The following WDR70 variants were observed in gnomAD, a reference collection of about 807,000 sequenced individuals.
The protein encoded by WDR70 is WD repeat-containing protein 70.
WDR70 carries 53 observed loss-of-function variants against 88.6 expected under a neutral mutation model. The observed-to-expected ratio is 0.60, with a 90% CI of 0.48 to 0.75. The LOEUF (loss-of-function observed/expected upper bound fraction) is 0.75. WDR70 is among the 30% of genes least tolerant of loss of function. WDR70 has a pLI of 0.00. For missense variants in WDR70, 610 were observed against 823.2 expected (o/e 0.74, Z 3.17); for synonymous variants, 280 against 270.0 (o/e 1.04, Z -0.36).
chr5:37,625,688 C>A (rs1744643253), intron 10 of WDR70, among the ~76,000 whole-genome samples: 1 of 151,900 alleles, frequency 6.6e-6, no homozygotes. Flanking sequence ...CCATGCCTAG[C>A]TAATTTTTTT....
intron 5 of WDR70, among the ~76,000 whole-genome samples, chr5:37,425,190 T>TGA (rs1252571652): frequency 6.6e-6 from 1 of 152,296 alleles, no homozygotes; most frequent in African/African-American, 2.4e-5. Context: ...GAGACTGCAG[T>TGA]GAGTGAGCCA....
chr5:37,479,804 C>G (rs1446957990), intron 7 of WDR70, 30 bp from the exon 8 acceptor site: 1 of 1,594,740 alleles, frequency 6.3e-7, no homozygotes, highest in Non-Finnish European at 8.5e-7. Flanking sequence ...TGCTTAGTAT[C>G]TTACCAACTT....
At chr5:37,485,710 G>A (rs866340945) in intron 8 of WDR70, among the ~76,000 whole-genome samples, 23 of 151,450 alleles carry the variant, frequency 1.5e-4, no homozygotes, top group South Asian at 1.0e-3. Flanking sequence ...TATTATTTTT[G>A]AGATAGAATC....
At chr5:37,722,114 T>C in intron 14 of WDR70, 1 of 152,198 alleles carries the variant, frequency 6.6e-6, no homozygotes, top group East Asian at 1.9e-4. Context: ...AGTATATTTA[T>C]GGTATTTGAA....
intron 7 of WDR70, among the ~76,000 whole-genome samples, chr5:37,466,037 C>T (rs899241352): frequency 1.6e-4 from 24 of 151,980 alleles, no homozygotes; most frequent in African/African-American, 5.8e-4. Context: ...TTGTATCGTA[C>T]TTTACCATGC....
At chr5:37,710,244 C>A (rs959501787) in intron 13 of WDR70, among the ~76,000 whole-genome samples, 1 of 151,950 alleles carries the variant, frequency 6.6e-6, no homozygotes, top group Non-Finnish European at 1.5e-5. Context: ...AGAAAGCATA[C>A]GGTTCTGTGG....
chr5:37,461,448 C>G (rs1308464961), intron 7 of WDR70, among the ~76,000 whole-genome samples: 2 of 151,972 alleles, frequency 1.3e-5, no homozygotes, highest in Admixed American at 1.3e-4. Context: ...TGGGGAGTCT[C>G]TCCTCTATGT....
At chr5:37,500,198 C>T (rs1268118860) in intron 8 of WDR70, among the ~76,000 whole-genome samples, 1 of 152,198 alleles carries the variant, frequency 6.6e-6, no homozygotes, top group East Asian at 1.9e-4. Flanking sequence ...ATTTAGTTTT[C>T]CATTCCTGAG....
At chr5:37,642,061 T>A (rs1230637548) in intron 10 of WDR70, among the ~76,000 whole-genome samples, 1 of 152,208 alleles carries the variant, frequency 6.6e-6, no homozygotes, top group African/African-American at 2.4e-5. Flanking sequence ...TGGTACCTGT[T>A]TACTTAGAGT....
chr5:37,454,576 T>C (rs1336310982), intron 7 of WDR70, among the ~76,000 whole-genome samples: 2 of 152,176 alleles, frequency 1.3e-5, no homozygotes, highest in Non-Finnish European at 2.9e-5. Context: ...AATTTAAAAA[T>C]TTCTGTTACT....
chr5:37,573,268 T>G (rs1052233626), intron 9 of WDR70, among the ~76,000 whole-genome samples: 2 of 152,148 alleles, frequency 1.3e-5, no homozygotes, highest in African/African-American at 2.4e-5. Flanking sequence ...ATCATCATTC[T>G]TCTTTACTGG....
At chr5:37,471,704 T>G (rs943983037) in intron 7 of WDR70, among the ~76,000 whole-genome samples, 1 of 152,008 alleles carries the variant, frequency 6.6e-6, no homozygotes, top group African/African-American at 2.4e-5. Flanking sequence ...GTTGTCAATT[T>G]TATCTTCCAG....
chr5:37,721,484 G>C, intron 14 of WDR70: 1 of 478,184 alleles, frequency 2.1e-6, no homozygotes, highest in Non-Finnish European at 3.8e-6. Flanking sequence ...GGGGAAAAAC[G>C]TTCTGCCCAC....
chr5:37,539,439 A>C (rs1741753381), intron 9 of WDR70, among the ~76,000 whole-genome samples: 1 of 152,230 alleles, frequency 6.6e-6, no homozygotes, highest in Non-Finnish European at 1.5e-5. Flanking sequence ...GTGAGGACAT[A>C]GTGAGAAAGT....
chr5:37,464,679 A>T (rs1469197959), intron 7 of WDR70, among the ~76,000 whole-genome samples: 1 of 152,158 alleles, frequency 6.6e-6, no homozygotes, highest in African/African-American at 2.4e-5. Context: ...CTGTGGTAGA[A>T]ATCTGTCTCA....
At chr5:37,490,804 A>G (rs886976655) in intron 8 of WDR70, among the ~76,000 whole-genome samples, 1 of 151,988 alleles carries the variant, frequency 6.6e-6, no homozygotes, top group Non-Finnish European at 1.5e-5. Context: ...TCCTTTCTTC[A>G]GTGTACTGGA....
chr5:37,638,587 T>C (rs955025423), intron 10 of WDR70, among the ~76,000 whole-genome samples: 1 of 152,234 alleles, frequency 6.6e-6, no homozygotes, highest in African/African-American at 2.4e-5. Context: ...TAGAAGTTTA[T>C]ATGTTTGTTT....
intron 10 of WDR70, among the ~76,000 whole-genome samples, chr5:37,671,095 A>G (rs1166295411): frequency 6.6e-6 from 1 of 152,160 alleles, no homozygotes; most frequent in Non-Finnish European, 1.5e-5. Flanking sequence ...CTAACATGTG[A>G]TTGAAAACAT....
chr5:37,499,587 T>TTTTCTCTCTCTCTCTCTCTCTC lies in WDR70; in HGVS notation c.841-16926_841-16925insTTCTCTCTCTCTCTCTCTCTCT, dbSNP rs1554144047. The stretch of plus-strand genomic sequence containing the variant: ...TTTTTAAATATGTGATTTGGAAATA[T>TTTTCTCTCTCTCTCTCTCTCTC]TCTCTCTCTCTCTCTCTCTCTCTCT... On this transcript the variant is annotated intron_variant, in intron 8 of 17. Coordinates refer to ENST00000265107, the MANE Select transcript of WDR70 (RefSeq NM_018034.4). 9.6e-5 allele frequency among the ~76,000 whole-genome samples: 4 copies of TTTTCTCTCTCTCTCTCTCTCTC among 41,856 alleles called. 1 individual carries two copies. The highest frequency in any genetic ancestry group is 1.2e-4 in the Non-Finnish European group (2 of 16,816). 27.5% of individuals were successfully genotyped at this position (41,856 alleles called of 152,430 possible). A position where few individuals can be genotyped will look rare whatever the true frequency, so the allele number is the denominator to read the frequency against.
Sources: allele counts gnomAD v4.1 joint callset (sites outside exome capture counted in the v4.1 genomes callset), GRCh38; gene constraint gnomAD v4.1.1; transcripts MANE v1.5; gene names NCBI Gene and HGNC (gene_info 2026-07-23, HGNC 2026-07-21).